LRRC7: variants seen among roughly 807,000 people sequenced by gnomAD.
The protein encoded by LRRC7 is leucine rich repeat containing 7, also known as leucine-rich repeat-containing protein 7.
Under a neutral mutation model 175.7 loss-of-function variants are expected in LRRC7, and 23 were observed. That is an observed-to-expected ratio of 0.13 (90% CI 0.09 to 0.19). The LOEUF (loss-of-function observed/expected upper bound fraction) is 0.19. Ranked by LOEUF, LRRC7 falls within the 10% of genes least tolerant of loss-of-function variation. LRRC7 has a pLI of 1.00. For missense variants in LRRC7, 1,354 were observed against 1,904.7 expected (o/e 0.71, Z 5.38); for synonymous variants, 685 against 680.9 (o/e 1.01, Z -0.09).
chr1:69,937,121 A>G (rs1648121979), intron 8 of LRRC7, among the ~76,000 whole-genome samples: 1 of 152,168 alleles, frequency 6.6e-6, no homozygotes, highest in African/African-American at 2.4e-5. Flanking sequence ...AACTAATCAA[A>G]TAGCCTGTGA....
At chr1:70,016,611 T>C in intron 14 of LRRC7, 77 bp downstream of exon 14, 1 of 1,113,556 alleles carries the variant, frequency 9.0e-7, no homozygotes, top group South Asian at 1.9e-5. Context: ...TTATTCCCAA[T>C]AGATACCTTT....
chr1:69,841,953 T>C (rs187246831), intron 7 of LRRC7, among the ~76,000 whole-genome samples: 2 of 152,280 alleles, frequency 1.3e-5, no homozygotes, highest in Admixed American at 6.5e-5. Flanking sequence ...GCTTTCTCAA[T>C]AGCTGATAGC....
intron 7 of LRRC7, among the ~76,000 whole-genome samples, chr1:69,913,081 C>T (rs1646582205): frequency 6.6e-6 from 1 of 152,008 alleles, no homozygotes; most frequent in East Asian, 1.9e-4. Context: ...AAAATATTTC[C>T]TAAGGAAATC....
In LRRC7 at chr1:69,807,769, T is replaced by A. The variant is rs544654294; in HGVS notation, c.421+15609T>A. On this transcript the variant is annotated intron_variant, in intron 4 of 26. Coordinates refer to ENST00000651989, the MANE Select transcript of LRRC7 (RefSeq NM_001370785.2). ...TCAACCTTGGTGGTTCAGACAATTA[T>A]GTGTCTTGGGGTTGCTCTTCTCGAG... Among the ~76,000 whole-genome samples, 7 of 152,150 alleles carry A rather than the reference T, an allele frequency of 4.6e-5. No individual in the cohort carries two copies. The East Asian group carries it at 9.7e-4, about 21-fold the overall frequency.
At chr1:69,916,109 T>TATATATTATATACATATTTTATATATATA (rs1646691138) in intron 7 of LRRC7, among the ~76,000 whole-genome samples, 2 of 20,222 alleles carry the variant, frequency 9.9e-5, no homozygotes, top group African/African-American at 3.8e-4. Context: ...TTATATATAA[T>TATATATTATATACATATTTTATATATATA]ATATATATTA....
At chr1:69,604,751 T>C (rs553091970) in intron 1 of LRRC7, among the ~76,000 whole-genome samples, 20 of 152,128 alleles carry the variant, frequency 1.3e-4, no homozygotes, top group Non-Finnish European at 2.9e-4. Context: ...GCTGGTAGCA[T>C]GTATTAGGGT....
intron 1 of LRRC7, among the ~76,000 whole-genome samples, chr1:69,614,371 AT>A (rs952247805): frequency 2.0e-5 from 3 of 152,092 alleles, no homozygotes; most frequent in African/African-American, 7.2e-5. Flanking sequence ...ATGCAGTCCC[AT>A]TTATTTCAAG....
intron 7 of LRRC7, among the ~76,000 whole-genome samples, chr1:69,882,051 A>T (rs1686671083): frequency 6.6e-6 from 1 of 151,860 alleles, no homozygotes; most frequent in African/African-American, 2.4e-5. Context: ...CCCAGTTTAC[A>T]AAATGGAATC....
chr1:70,036,643 C>G lies in LRRC7; in HGVS notation c.2288+19C>G. 2 of 1,574,308 alleles carry G rather than the reference C, an allele frequency of 1.3e-6. No individual in the cohort carries two copies. The highest frequency in any genetic ancestry group is 1.7e-6 in the Non-Finnish European group (2 of 1,165,038). Reference sequence around the variant, plus strand: ...GTAACAGGTGTGTTTAGAATTCCCTCCTTTTGTTCCCAAACGTTTATTTTC... The same window carrying G: ...GTAACAGGTGTGTTTAGAATTCCCTGCTTTTGTTCCCAAACGTTTATTTTC... On this transcript the variant is annotated intron_variant, in intron 20 of 26. Transcript: ENST00000651989.
At chr1:69,591,536 G>T (rs1341706738) in intron 1 of LRRC7, among the ~76,000 whole-genome samples, 1 of 151,986 alleles carries the variant, frequency 6.6e-6, no homozygotes, top group East Asian at 1.9e-4. Context: ...AAAACCGATA[G>T]CTTCCGTGAT....
chr1:70,045,834 G>A (rs893027339), intron 22 of LRRC7, among the ~76,000 whole-genome samples: 1 of 152,032 alleles, frequency 6.6e-6, no homozygotes, highest in Non-Finnish European at 1.5e-5. Flanking sequence ...TTGTGCAGGG[G>A]AACTCCCATT....
intron 24 of LRRC7, among the ~76,000 whole-genome samples, chr1:70,088,937 C>A (rs890863113): frequency 6.6e-6 from 1 of 152,162 alleles, no homozygotes; most frequent in African/African-American, 2.4e-5. Context: ...GTTTAATAGA[C>A]TTTCATTCAT....
chr1:69,771,368 T>G (rs1179320945), intron 3 of LRRC7, among the ~76,000 whole-genome samples: 1 of 152,160 alleles, frequency 6.6e-6, no homozygotes, highest in Non-Finnish European at 1.5e-5. Flanking sequence ...ATTTAAAAAT[T>G]TATAGTACCA....
At chr1:69,899,955 G>C (rs1010616374) in intron 7 of LRRC7, among the ~76,000 whole-genome samples, 1 of 152,124 alleles carries the variant, frequency 6.6e-6, no homozygotes, top group Non-Finnish European at 1.5e-5. Flanking sequence ...GTGGTATTCT[G>C]TTACAGCAGC....
At chr1:69,726,010 C>T (rs971786591) in intron 2 of LRRC7, among the ~76,000 whole-genome samples, 4 of 152,170 alleles carry the variant, frequency 2.6e-5, no homozygotes, top group Non-Finnish European at 4.4e-5. Flanking sequence ...GTTGTTTAAA[C>T]TAAAGCTATA....
intron 2 of LRRC7, among the ~76,000 whole-genome samples, chr1:69,730,116 G>T (rs1051095248): frequency 2.6e-5 from 4 of 152,198 alleles, no homozygotes; most frequent in African/African-American, 9.6e-5. Context: ...GCACACAGCA[G>T]GGGGCCCTTG....
At chr1:69,764,667 G>A (rs1251241516) in intron 3 of LRRC7, among the ~76,000 whole-genome samples, 1 of 151,584 alleles carries the variant, frequency 6.6e-6, no homozygotes, top group African/African-American at 2.4e-5. Flanking sequence ...GTAAAACTCG[G>A]GAAGTAACAA....
chr1:69,837,859 TA>T (rs34490998), intron 6 of LRRC7, among the ~76,000 whole-genome samples: 56,967 of 150,742 alleles, frequency 0.38, 12,824 homozygotes, highest in East Asian at 0.55. Context: ...ATAACAATAG[TA>T]AAAAAAAATT....
intron 26 of LRRC7, among the ~76,000 whole-genome samples, chr1:70,120,869 G>A (rs1010590085): frequency 6.6e-6 from 1 of 152,044 alleles, no homozygotes; most frequent in African/African-American, 2.4e-5. Context: ...GTTTCAATAA[G>A]GTTGTATTTA....
Sources: gnomAD v4.1 joint callset for allele counts (sites outside exome capture counted in the v4.1 genomes callset) on GRCh38, gnomAD v4.1.1 for gene constraint, MANE v1.5 for transcripts, NCBI Gene and HGNC (gene_info 2026-07-23, HGNC 2026-07-21) for gene names.